RALB: variants seen among roughly 807,000 people sequenced by gnomAD.
RALB encodes the protein ras-related protein Ral-B.
A neutral mutation model predicts 21.3 loss-of-function variants in RALB; 16 were observed. The observed-to-expected ratio is 0.75, with a 90% CI of 0.51 to 1.14. The LOEUF is 1.14. Among genes scored for constraint, RALB ranks in the 50% most tolerant of loss-of-function variants. RALB has a pLI of 0.00. For synonymous variants in RALB, 93 were observed against 96.1 expected, an observed-to-expected ratio of 0.97 and a Z score of 0.19; for missense variants, 161 against 256.2, an observed-to-expected ratio of 0.63 and a Z score of 2.54.
intron 1 of RALB, among the ~76,000 whole-genome samples, chr2:120,260,992 T>C (rs1689352598): frequency 6.6e-6 from 1 of 152,180 alleles, no homozygotes; most frequent in South Asian, 2.1e-4. Flanking sequence ...AGGAACATGA[T>C]TAGAGACTAG....
chr2:120,270,465 C>T (rs1392594458), intron 1 of RALB, among the ~76,000 whole-genome samples: 1 of 152,024 alleles, frequency 6.6e-6, no homozygotes. Flanking sequence ...AGATTGTGTT[C>T]GAGTGAGCTG....
upstream of RALB, among the ~76,000 whole-genome samples, chr2:120,250,895 G>A (rs564391989): frequency 1.3e-5 from 2 of 152,218 alleles, no homozygotes; most frequent in Non-Finnish European, 2.9e-5. Flanking sequence ...ACAGCTCAGG[G>A]TCTGGCATGT....
chr2:120,283,031 AC>A (rs936385504), intron 2 of RALB, among the ~76,000 whole-genome samples: 1 of 151,936 alleles, frequency 6.6e-6, no homozygotes, highest in Non-Finnish European at 1.5e-5. Flanking sequence ...AAAAAAAAAA[AC>A]ACCTCCTGAA....
intron 1 of RALB, among the ~76,000 whole-genome samples, chr2:120,271,682 C>G (rs1280997967): frequency 6.6e-6 from 1 of 152,192 alleles, no homozygotes; most frequent in Admixed American, 6.5e-5. Context: ...TTTGCACATG[C>G]TGTGTGTTAA....
At chr2:120,251,873 T>C (rs768483729), upstream of RALB, among the ~76,000 whole-genome samples, 3 of 152,222 alleles carry the variant, frequency 2.0e-5, no homozygotes, top group Non-Finnish European at 2.9e-5. Flanking sequence ...TAGATGCTGA[T>C]GGAGGGACTG....
At chr2:120,253,627 G>T (rs1689118671) in intron 1 of RALB, 7 of 985,534 alleles carry the variant, frequency 7.1e-6, no homozygotes, top group Non-Finnish European at 8.4e-6. Context: ...CTCGGTGCAG[G>T]GTTGCGGGGC....
chr2:120,246,850 T>A (rs1688978670), intron 1 of RALB, among the ~76,000 whole-genome samples: 1 of 148,918 alleles, frequency 6.7e-6, no homozygotes, highest in Non-Finnish European at 1.5e-5. Context: ...GGAGGCAGCA[T>A]CCAAGGAAGC....
intron 1 of RALB, among the ~76,000 whole-genome samples, chr2:120,272,288 C>T (rs1024508506): frequency 1.3e-5 from 2 of 152,166 alleles, no homozygotes; most frequent in African/African-American, 4.8e-5. Flanking sequence ...CAAGTGGTCC[C>T]CGCCCCACAG....
chr2:120,255,939 A>C (rs1273923702), intron 1 of RALB, among the ~76,000 whole-genome samples: 2 of 44,154 alleles, frequency 4.5e-5, no homozygotes, highest in African/African-American at 1.1e-4. Context: ...GCTATACGGC[A>C]TGAGATGAAG....
chr2:120,272,445 G>T (rs1689687872), intron 1 of RALB, among the ~76,000 whole-genome samples: 4 of 152,164 alleles, frequency 2.6e-5, no homozygotes, highest in Non-Finnish European at 5.9e-5. Context: ...TGCACTGATG[G>T]GTAGAGAGAG....
At chr2:120,258,509 CCGCTCATGGTGAGCCT>C (rs1689254162) in intron 1 of RALB, among the ~76,000 whole-genome samples, 1 of 152,184 alleles carries the variant, frequency 6.6e-6, no homozygotes, top group African/African-American at 2.4e-5. Context: ...GGTTTAGCTG[CCGCTCATGGTGAGCCT>C]TTAAGGAGCG....
At chr2:120,266,963 CT>C (rs1689519608) in intron 1 of RALB, among the ~76,000 whole-genome samples, 1 of 152,066 alleles carries the variant, frequency 6.6e-6, no homozygotes, top group Non-Finnish European at 1.5e-5. Context: ...TGGGGGCCCC[CT>C]GAGACTGGGA....
chr2:120,259,624 A>G (rs6723400), intron 1 of RALB, among the ~76,000 whole-genome samples: 3 of 152,228 alleles, frequency 2.0e-5, no homozygotes, highest in African/African-American at 7.2e-5. Context: ...TGTATTTACA[A>G]TCCACGAGCT....
At chr2:120,253,258 C>T (rs1018892519) in intron 1 of RALB, 2 of 490,136 alleles carry the variant, frequency 4.1e-6, no homozygotes, top group African/African-American at 4.2e-5. Flanking sequence ...GGTTCCTTCC[C>T]TATCCCGCAG....
intron 4 of RALB, 103 bp downstream of exon 4, chr2:120,289,860 T>A: frequency 9.4e-7 from 1 of 1,059,292 alleles, no homozygotes; most frequent in Non-Finnish European, 1.3e-6. Context: ...GAAAACTAGG[T>A]GAAGATTCTG....
At chr2:120,240,215 G>A in intron 1 of RALB, 1 of 1,220,736 alleles carries the variant, frequency 8.2e-7, no homozygotes, top group Non-Finnish European at 1.1e-6. Context: ...GCCAAAGGAA[G>A]CTCAGAGAGG....
At chr2:120,280,002 A>C (rs1444291943) in intron 2 of RALB, among the ~76,000 whole-genome samples, 1 of 152,206 alleles carries the variant, frequency 6.6e-6, no homozygotes, top group African/African-American at 2.4e-5. Context: ...CGCTGGCTGC[A>C]GGAGTACTCC....
At chr2:120,252,770 G>T, upstream of RALB, 1 of 985,314 alleles carries the variant, frequency 1.0e-6, no homozygotes, top group Non-Finnish European at 1.2e-6. Context: ...GGCTTCCGAG[G>T]AGAGGGCAAG....
intron 1 of RALB, among the ~76,000 whole-genome samples, chr2:120,269,289 G>A (rs969403685): frequency 1.2e-4 from 19 of 152,208 alleles, no homozygotes; most frequent in Admixed American, 3.3e-4. Context: ...CAAGAATGAA[G>A]CCGCAAACCT....
Sources: allele counts gnomAD v4.1 joint callset (sites outside exome capture counted in the v4.1 genomes callset), GRCh38; gene constraint gnomAD v4.1.1; transcripts MANE v1.5; gene names NCBI Gene and HGNC (gene_info 2026-07-23, HGNC 2026-07-21).